The following TNRC6C variants were observed in gnomAD, a reference collection of about 807,000 sequenced individuals.
TNRC6C encodes trinucleotide repeat containing adaptor 6C.
A neutral mutation model predicts 153.7 loss-of-function variants in TNRC6C; 20 were observed. The ratio of observed to expected loss-of-function variants is 0.13; its 90% CI spans 0.09 to 0.19. The LOEUF (loss-of-function observed/expected upper bound fraction) is 0.19. TNRC6C is among the 10% of genes least tolerant of loss of function. TNRC6C has a pLI of 1.00. For missense variants in TNRC6C, 1,987 were observed against 2,172.0 expected, an observed-to-expected ratio of 0.91 and a Z score of 1.69; for synonymous variants, 811 against 841.4, an observed-to-expected ratio of 0.96 and a Z score of 0.63.
chr17:78,019,046 G>T (rs1179073573), intron 1 of TNRC6C, among the ~76,000 whole-genome samples: 1 of 152,162 alleles, frequency 6.6e-6, no homozygotes. Context: ...ATGACTGAAG[G>T]TTGGGATGAT....
At chr17:78,055,282 A>G (rs2072631158) in intron 3 of TNRC6C, among the ~76,000 whole-genome samples, 1 of 152,198 alleles carries the variant, frequency 6.6e-6, no homozygotes, top group Admixed American at 6.5e-5. Flanking sequence ...CTAGGCCTAC[A>G]CAGGGCCGGG....
intron 4 of TNRC6C, chr17:78,066,343 T>C (rs550018811): frequency 6.6e-6 from 1 of 151,564 alleles, no homozygotes; most frequent in East Asian, 1.9e-4. Context: ...TACTTTGTGG[T>C]TTTTTTTGGT....
intron 1 of TNRC6C, among the ~76,000 whole-genome samples, chr17:77,991,450 C>T (rs2071248477): frequency 1.3e-5 from 2 of 152,134 alleles, no homozygotes; most frequent in South Asian, 4.1e-4. Flanking sequence ...GACATTTTCC[C>T]CAGCCTTCCT....
chr17:78,055,107 A>G (rs1169731692), intron 3 of TNRC6C, among the ~76,000 whole-genome samples: 1 of 152,260 alleles, frequency 6.6e-6, no homozygotes, highest in Non-Finnish European at 1.5e-5. Context: ...CTTAGGCCAC[A>G]CTACATTTAT....
At chr17:78,050,462 G>T (rs2072502153) in exon 3 of TNRC6C, 1 of 1,614,042 alleles carries the variant, frequency 6.2e-7, no homozygotes, top group African/African-American at 1.3e-5. Flanking sequence ...GAATCCCCTA[G>T]GTCTGAAAGG....
rs951831982 is a variant in TNRC6C at position 78,027,570 on chromosome 17, C to G, written c.-545-3946C>G. 2.6e-5 allele frequency among the ~76,000 whole-genome samples: 4 copies of G among 152,312 alleles called. No homozygotes were observed. In the East Asian group the frequency reaches 5.8e-4, roughly 22 times the overall value. ...AATCTTATGTTTTGGGCCTTCATAT[C>G]TACTTTGGAGAGAGTTGTGAGTTGA... On this transcript the variant is annotated intron_variant, in intron 1 of 19. Coordinates refer to ENST00000301624, the Ensembl canonical transcript of TNRC6C.
intron 2 of TNRC6C, among the ~76,000 whole-genome samples, chr17:78,045,812 T>C (rs2072397330): frequency 6.6e-6 from 1 of 152,074 alleles, no homozygotes. Flanking sequence ...AAATTAAAAA[T>C]TTTGAAAATA....
rs12601189 is a variant in TNRC6C, at chr17:78,029,502, C to G, written c.-545-2014C>G. On this transcript the variant is annotated intron_variant, in intron 1 of 19. Coordinates refer to ENST00000301624, the Ensembl canonical transcript of TNRC6C. ...TTAAAAGGTACACCTGTATAGGGCA[C>G]TTAACTATGAATGGAGCTTGCAGGA... Among the ~76,000 whole-genome samples the G allele has an allele frequency of 8.5e-4, 129 of 152,124 alleles. 3 individuals are homozygous for G. The East Asian group carries it at 0.021, about 25-fold the overall frequency.
At chr17:78,100,625 T>C (rs2073573537) in intron 17 of TNRC6C, among the ~76,000 whole-genome samples, 1 of 152,182 alleles carries the variant, frequency 6.6e-6, no homozygotes, top group South Asian at 2.1e-4. Flanking sequence ...GGGCCTGTGA[T>C]GGGAGGGGCT....
exon 13 of TNRC6C, chr17:78,087,010 C>T (rs761053618): frequency 5.6e-6 from 9 of 1,613,808 alleles, no homozygotes; most frequent in South Asian, 3.3e-5. Context: ...AGCTTCCCCT[C>T]GCACCCACAG....
intron 1 of TNRC6C, among the ~76,000 whole-genome samples, chr17:77,989,976 A>G (rs1306728360): frequency 6.6e-6 from 1 of 152,096 alleles, no homozygotes; most frequent in African/African-American, 2.4e-5. Context: ...GGAATTTTAC[A>G]TTCAGCTCCC....
intron 1 of TNRC6C, among the ~76,000 whole-genome samples, chr17:78,028,794 C>T (rs976527510): frequency 6.6e-6 from 1 of 152,290 alleles, no homozygotes; most frequent in South Asian, 2.1e-4. Flanking sequence ...TGTTTCTCAG[C>T]TATCAAACCA....
At chr17:77,981,760 C>T (rs1264559379) in intron 1 of TNRC6C, among the ~76,000 whole-genome samples, 1 of 152,208 alleles carries the variant, frequency 6.6e-6, no homozygotes, top group East Asian at 1.9e-4. Flanking sequence ...TGGTGGAACA[C>T]CGCTATGCCC....
intron 1 of TNRC6C, among the ~76,000 whole-genome samples, chr17:77,999,033 G>A (rs2071371170): frequency 6.6e-6 from 1 of 152,222 alleles, no homozygotes; most frequent in African/African-American, 2.4e-5. Flanking sequence ...GTTAGTCTGA[G>A]GCTTGGGGCA....
chr17:78,039,320 C>T (rs1034606226), intron 2 of TNRC6C, among the ~76,000 whole-genome samples: 3 of 141,924 alleles, frequency 2.1e-5, no homozygotes, highest in South Asian at 4.6e-4. Context: ...CCCCCCCCCC[C>T]CACTCCCTAC....
At chr17:78,101,230 G>A (rs913304151) in intron 17 of TNRC6C, among the ~76,000 whole-genome samples, 31 of 152,112 alleles carry the variant, frequency 2.0e-4, no homozygotes, top group Non-Finnish European at 3.5e-4. Flanking sequence ...AATCTCTAGG[G>A]CAGGGGCAAA....
At chr17:77,991,328 A>C (rs192453672) in intron 1 of TNRC6C, among the ~76,000 whole-genome samples, 2 of 152,152 alleles carry the variant, frequency 1.3e-5, no homozygotes, top group African/African-American at 2.4e-5. Context: ...TTTTTTATCT[A>C]TGTGTGGAGG....
intron 1 of TNRC6C, among the ~76,000 whole-genome samples, chr17:78,031,051 A>G (rs564777878): frequency 1.3e-5 from 2 of 152,176 alleles, no homozygotes; most frequent in African/African-American, 4.8e-5. Context: ...GTGAGCTAAG[A>G]TGGTGCCATA....
At chr17:77,978,774 C>T (rs1567897923) in intron 1 of TNRC6C, among the ~76,000 whole-genome samples, 1 of 152,094 alleles carries the variant, frequency 6.6e-6, no homozygotes, top group African/African-American at 2.4e-5. Context: ...TTCTTACCCC[C>T]TAAAAACCCC....
Sources: gnomAD v4.1 joint callset for allele counts (sites outside exome capture counted in the v4.1 genomes callset) on GRCh38, gnomAD v4.1.1 for gene constraint, MANE v1.5 for transcripts, NCBI Gene and HGNC (gene_info 2026-07-23, HGNC 2026-07-21) for gene names.